The following TAS2R1 variants were observed in gnomAD, a reference collection of about 807,000 sequenced individuals.
TAS2R1 encodes taste 2 receptor member 1.
For missense variants in TAS2R1, 370 were observed against 353.4 expected, an observed-to-expected ratio of 1.05 and a Z score of -0.38; for synonymous variants, 141 against 134.2, an observed-to-expected ratio of 1.05 and a Z score of -0.35.
the TAS2R1 span, among the ~76,000 whole-genome samples, chr5:9,876,268 T>C: frequency 1.1e-4 from 17 of 151,178 alleles, no homozygotes; most frequent in Admixed American, 8.5e-4. Context: ...GGTTTAAATA[T>C]GTAGCAATGT....
chr5:9,690,643 G>A (rs2126517391), intron 1 of TAS2R1, among the ~76,000 whole-genome samples: 1 of 152,124 alleles, frequency 6.6e-6, no homozygotes, highest in South Asian at 2.1e-4. Flanking sequence ...TTAATTTTGA[G>A]TTAAAAGTGT....
At chr5:9,751,028 A>C in the TAS2R1 span, among the ~76,000 whole-genome samples, 1,926 of 151,660 alleles carry the variant, frequency 0.013, 41 homozygotes, top group African/African-American at 0.045. Flanking sequence ...CCCAGAAATG[A>C]CCAGGGCATG....
chr5:9,831,398 T>G, the TAS2R1 span, among the ~76,000 whole-genome samples: 1 of 152,164 alleles, frequency 6.6e-6, no homozygotes, highest in East Asian at 1.9e-4. Flanking sequence ...CACGAAACAA[T>G]AAAATTTTAT....
chr5:9,845,719 A>G, the TAS2R1 span, among the ~76,000 whole-genome samples: 1 of 152,250 alleles, frequency 6.6e-6, no homozygotes, highest in African/African-American at 2.4e-5. Flanking sequence ...AGCCTAAATT[A>G]AGGACCAAGT....
the TAS2R1 span, among the ~76,000 whole-genome samples, chr5:9,804,584 G>A: frequency 1.4e-4 from 22 of 152,032 alleles, no homozygotes; most frequent in South Asian, 6.2e-4. Context: ...AACAAACTCC[G>A]AAAGAAACCC....
chr5:9,702,505 C>T (rs893132080), intron 1 of TAS2R1, among the ~76,000 whole-genome samples: 1 of 151,978 alleles, frequency 6.6e-6, no homozygotes, highest in African/African-American at 2.4e-5. Context: ...CTATGTAGAT[C>T]CTTGAAAATA....
intron 1 of TAS2R1, among the ~76,000 whole-genome samples, chr5:9,706,645 C>T (rs1741618436): frequency 6.6e-6 from 1 of 152,172 alleles, no homozygotes; most frequent in Non-Finnish European, 1.5e-5. Context: ...GACATGAAAA[C>T]CCTGCTGTAT....
At chr5:9,891,992 T>C in the TAS2R1 span, among the ~76,000 whole-genome samples, 1 of 152,038 alleles carries the variant, frequency 6.6e-6, no homozygotes, top group African/African-American at 2.4e-5. Flanking sequence ...CCCTCCCTCA[T>C]AGCCCACCTT....
the TAS2R1 span, among the ~76,000 whole-genome samples, chr5:9,725,493 C>A: frequency 1.3e-5 from 2 of 152,188 alleles, no homozygotes; most frequent in Non-Finnish European, 2.9e-5. Flanking sequence ...ACTGGGTCCC[C>A]CAGCAGTGCC....
the TAS2R1 span, among the ~76,000 whole-genome samples, chr5:9,822,409 G>C: frequency 6.8e-6 from 1 of 147,012 alleles, no homozygotes; most frequent in Admixed American, 7.0e-5. Context: ...GAGTGCAGTG[G>C]CACAGTCTTG....
At chr5:9,662,564 C>G (rs560945059) in intron 1 of TAS2R1, among the ~76,000 whole-genome samples, 1 of 152,308 alleles carries the variant, frequency 6.6e-6, no homozygotes, top group Admixed American at 6.5e-5. Flanking sequence ...TGATTTCTTA[C>G]AGGTGCCTGA....
chr5:9,796,616 C>T, the TAS2R1 span, among the ~76,000 whole-genome samples: 1 of 139,832 alleles, frequency 7.2e-6, no homozygotes, highest in Admixed American at 7.2e-5. Flanking sequence ...TTCAGAGCTT[C>T]CATCCTAAGC....
At chr5:9,832,002 T>A in the TAS2R1 span, among the ~76,000 whole-genome samples, 5 of 152,174 alleles carry the variant, frequency 3.3e-5, no homozygotes, top group Non-Finnish European at 7.3e-5. Flanking sequence ...GCTTCACAGT[T>A]TTAGAAAAAG....
At chr5:9,895,331 T>C in the TAS2R1 span, among the ~76,000 whole-genome samples, 2 of 152,204 alleles carry the variant, frequency 1.3e-5, no homozygotes, top group African/African-American at 4.8e-5. Flanking sequence ...ACAAATATGA[T>C]GCACAGTTGT....
At chr5:9,737,543 G>A in the TAS2R1 span, among the ~76,000 whole-genome samples, 3 of 152,302 alleles carry the variant, frequency 2.0e-5, no homozygotes, top group African/African-American at 4.8e-5. Context: ...CCCTTCTGCA[G>A]GTCCAGCCTC....
chr5:9,802,312 C>A, the TAS2R1 span, among the ~76,000 whole-genome samples: 1 of 152,114 alleles, frequency 6.6e-6, no homozygotes, highest in East Asian at 1.9e-4. Flanking sequence ...CGTGGCTAGA[C>A]CCAGAAAAGC....
chr5:9,698,603 G>A (rs1396745992), intron 1 of TAS2R1, among the ~76,000 whole-genome samples: 4 of 152,106 alleles, frequency 2.6e-5, no homozygotes, highest in Admixed American at 6.6e-5. Context: ...AAACCTAAAA[G>A]AGGGGAAGGG....
the TAS2R1 span, among the ~76,000 whole-genome samples, chr5:9,838,273 T>A: frequency 1.3e-5 from 2 of 152,166 alleles, no homozygotes; most frequent in African/African-American, 4.8e-5. Context: ...TCTCTGCACC[T>A]CTAGTCCATC....
chr5:9,729,753 T>A, the TAS2R1 span, among the ~76,000 whole-genome samples: 3 of 152,192 alleles, frequency 2.0e-5, no homozygotes, highest in Non-Finnish European at 4.4e-5. Flanking sequence ...CCTCAACGAC[T>A]TAATTGACAG....
Sources: gnomAD v4.1 joint callset for allele counts (sites outside exome capture counted in the v4.1 genomes callset) on GRCh38, gnomAD v4.1.1 for gene constraint, MANE v1.5 for transcripts, NCBI Gene and HGNC (gene_info 2026-07-23, HGNC 2026-07-21) for gene names.